INTS2: variants seen among roughly 807,000 people sequenced by gnomAD.
The protein encoded by INTS2 is integrator complex subunit 2, also known as KIAA1287.
A neutral mutation model predicts 139.6 loss-of-function variants in INTS2; 57 were observed. The observed-to-expected ratio is 0.41, with a 90% CI of 0.33 to 0.51. The LOEUF (loss-of-function observed/expected upper bound fraction) is 0.51, where lower values mean the gene tolerates loss of function less well. Ranked by LOEUF, INTS2 falls within the 20% of genes least tolerant of loss-of-function variation. The pLI, the probability that INTS2 is intolerant of heterozygous loss-of-function variation, is 0.28. For missense variants in INTS2, 1,196 were observed against 1,436.7 expected, an observed-to-expected ratio of 0.83 and a Z score of 2.71; for synonymous variants, 473 against 493.4, an observed-to-expected ratio of 0.96 and a Z score of 0.55.
At chr17:61,905,336 C>CT (rs905446543) in intron 8 of INTS2, among the ~76,000 whole-genome samples, 7 of 151,614 alleles carry the variant, frequency 4.6e-5, no homozygotes, top group Non-Finnish European at 7.4e-5. Flanking sequence ...TTCTTTCTTT[C>CT]TTTTTTTTGA....
Position 61,926,668 on chromosome 17 carries a change from G to C in INTS2, c.-18-6C>G. On this transcript the variant is annotated splice_region_variant and splice_polypyrimidine_tract_variant and intron_variant, in intron 1 of 24. Coordinates refer to ENST00000251334, the MANE Select transcript of INTS2 (RefSeq NM_001351695.2). ...ATTATTACTGTTTGTTGATCCTAAT[G>C]GTAAAAATACAAATGAAAGTAGGAG... 6.3e-7 allele frequency: 1 copy of C among 1,588,284 alleles called. No individual in the cohort carries two copies. Among genetic ancestry groups the C allele is most frequent in the Non-Finnish European group, 8.6e-7 (1 of 1,165,150 alleles).
chr17:61,904,400 T>A (rs2079439628), intron 9 of INTS2, 60 bp downstream of exon 9: 2 of 1,226,596 alleles, frequency 1.6e-6, no homozygotes, highest in Non-Finnish European at 2.3e-6. Context: ...TGCTATACAA[T>A]TTTATTGAGT....
At position 61,872,223 on chromosome 17, in the gene INTS2, C is replaced by T. The variant is rs373802931; in HGVS notation, c.2778+42G>A. On this transcript the variant is annotated intron_variant, in intron 20 of 24. Transcript: ENST00000251334. The surrounding 1 kb of genome is among the most constrained non-coding windows in gnomAD (Gnocchi z 4.8). ...TGAACTGATTATACTAGTAGAGAAG[C>T]CCTTGCTCTTTTTGACTAAATTTTA... 4.2e-6 allele frequency: 6 copies of T among 1,429,014 alleles called. No homozygotes were observed. In the African/African-American group the frequency reaches 8.4e-5, roughly 20 times the overall value. The allele number at this position is 1,429,014 out of a possible 1,614,324, so 88.5% of individuals were successfully genotyped here.
At chr17:61,926,705 C>T (rs1357454352) in intron 1 of INTS2, 43 bp from the exon 2 acceptor site, 1 of 1,452,186 alleles carries the variant, frequency 6.9e-7, no homozygotes, top group Non-Finnish European at 9.5e-7. Context: ...TTAACTTTCA[C>T]ATGTATGAAC....
At chr17:61,901,856 C>G (rs2079410328) in intron 9 of INTS2, among the ~76,000 whole-genome samples, 1 of 152,038 alleles carries the variant, frequency 6.6e-6, no homozygotes, top group African/African-American at 2.4e-5. Context: ...CCTCAGCCTC[C>G]CAAAGTGCTG....
intron 5 of INTS2, among the ~76,000 whole-genome samples, chr17:61,913,335 C>T (rs780860684): frequency 6.9e-6 from 1 of 144,600 alleles, no homozygotes; most frequent in African/African-American, 2.6e-5. Context: ...AGCAAGACTC[C>T]GTCTCCCAAA....
chr17:61,868,777 CTATA>C lies in INTS2; in HGVS notation c.3244+253_3244+256del, dbSNP rs1269616652. Among the ~76,000 whole-genome samples the C allele has an allele frequency of 1.3e-5, 2 of 152,046 alleles. No homozygotes were observed. The highest frequency in any genetic ancestry group is 6.6e-5 in the Admixed American group (1 of 15,264). On this transcript the variant is annotated intron_variant, in intron 23 of 24. Coordinates refer to ENST00000251334, the MANE Select transcript of INTS2 (RefSeq NM_001351695.2). The surrounding 1 kb of genome is among the most constrained non-coding windows in gnomAD (Gnocchi z 4.7). ...ATACAGAAAGCTTATATTTACAAAT[CTATA>C]TATACTCATTCACAAAATGAAAAAT...
At chr17:61,919,596 A>G in intron 4 of INTS2, 83 bp from the exon 5 acceptor site, 1 of 722,188 alleles carries the variant, frequency 1.4e-6, no homozygotes, top group Non-Finnish European at 2.4e-6. Context: ...TTTTCTGTGG[A>G]GACTGAATCT....
intron 11 of INTS2, among the ~76,000 whole-genome samples, chr17:61,896,091 T>C (rs2079345173): frequency 6.6e-6 from 1 of 151,620 alleles, no homozygotes; most frequent in Non-Finnish European, 1.5e-5. Flanking sequence ...AATACAAAAA[T>C]TAGCCGGGCG....
chr17:61,915,306 C>G (rs1461941199), intron 5 of INTS2, among the ~76,000 whole-genome samples: 1 of 151,286 alleles, frequency 6.6e-6, no homozygotes, highest in African/African-American at 2.4e-5. Flanking sequence ...CCACTGCACT[C>G]CAGCCTGGGT....
intron 3 of INTS2, 37 bp downstream of exon 3, chr17:61,924,924 T>C (rs2079693265): frequency 3.8e-6 from 6 of 1,594,406 alleles, no homozygotes; most frequent in Non-Finnish European, 5.1e-6. Context: ...AGACATCAAA[T>C]CATGCATACT....
chr17:61,921,941 T>C, intron 3 of INTS2, 114 bp from the exon 4 acceptor site: 2 of 580,952 alleles, frequency 3.4e-6, no homozygotes, highest in Non-Finnish European at 6.1e-6. Context: ...ATCACTAATA[T>C]ACCACAGCAG....
At chr17:61,915,131 G>A (rs1372199882) in intron 5 of INTS2, among the ~76,000 whole-genome samples, 1 of 151,886 alleles carries the variant, frequency 6.6e-6, no homozygotes, top group Non-Finnish European at 1.5e-5. Flanking sequence ...AAGGTCAGGA[G>A]ATCAAGACCA....
At chr17:61,885,873 C>T (rs966360189) in intron 15 of INTS2, among the ~76,000 whole-genome samples, 1 of 150,912 alleles carries the variant, frequency 6.6e-6, no homozygotes, top group Non-Finnish European at 1.5e-5. Flanking sequence ...GGATTACAAG[C>T]GCCCACCACC....
At chr17:61,880,684 G>A (rs2079169684) in intron 17 of INTS2, among the ~76,000 whole-genome samples, 1 of 151,920 alleles carries the variant, frequency 6.6e-6, no homozygotes, top group Admixed American at 6.6e-5. Flanking sequence ...CCCAGCAGGT[G>A]GAGGCTGCAG....
At chr17:61,903,199 A>G (rs1365506185) in intron 9 of INTS2, among the ~76,000 whole-genome samples, 1 of 149,328 alleles carries the variant, frequency 6.7e-6, no homozygotes, top group Non-Finnish European at 1.5e-5. Context: ...AAAAAGAAAG[A>G]AAGGATAGGT....
chr17:61,884,548 T>TA (rs35368442), intron 16 of INTS2, among the ~76,000 whole-genome samples: 8 of 151,286 alleles, frequency 5.3e-5, no homozygotes, highest in Non-Finnish European at 1.0e-4. Context: ...TATTCAGAGT[T>TA]AAAAAAATTT....
Position 61,895,421 on chromosome 17 carries a change from T to C in INTS2, c.1495-38A>G, listed in dbSNP as rs779579227. ...AAAGAATTCCAACAGCATGTAAAAA[T>C]ATATGAAACACAATTTATTCTAGGG... On this transcript the variant is annotated intron_variant, in intron 11 of 24. Coordinates refer to ENST00000251334, the MANE Select transcript of INTS2 (RefSeq NM_001351695.2). The C allele has an allele frequency of 4.9e-6, 6 of 1,229,160 alleles. No individual in the cohort carries two copies. In the South Asian group the frequency reaches 7.0e-5, roughly 14 times the overall value. The allele number at this position is 1,229,160 out of a possible 1,614,324, so 76.1% of individuals were successfully genotyped here.
At position 61,875,633 on chromosome 17, in the gene INTS2, A is replaced by G. The variant is rs962390473; in HGVS notation, c.2457-595T>C. On this transcript the variant is annotated intron_variant, in intron 18 of 24. Transcript: ENST00000251334. The surrounding 1 kb of genome is among the most constrained non-coding windows in gnomAD (Gnocchi z 4.6). ...GTGAAGCCCAGGAATCCACCAGAGA[A>G]CTTCCCCCTCTTAAATATGACTGTA... 1.3e-5 allele frequency among the ~76,000 whole-genome samples: 2 copies of G among 152,156 alleles called. No homozygotes were observed. Among genetic ancestry groups the G allele is most frequent in the Admixed American group, 1.3e-4 (2 of 15,274 alleles).
Sources: gnomAD v4.1 joint callset for allele counts (sites outside exome capture counted in the v4.1 genomes callset) on GRCh38, gnomAD v4.1.1 for gene constraint, Gnocchi (gnomAD v3.1) non-coding constraint, MANE v1.5 for transcripts, NCBI Gene and HGNC (gene_info 2026-07-23, HGNC 2026-07-21) for gene names.